TRPM2: variants seen among roughly 807,000 people sequenced by gnomAD.
The protein encoded by TRPM2 is transient receptor potential cation channel subfamily M member 2.
A neutral mutation model predicts 174.0 loss-of-function variants in TRPM2; 161 were observed. That is an observed-to-expected ratio of 0.93 (90% CI 0.81 to 1.05). The LOEUF (loss-of-function observed/expected upper bound fraction) is 1.05, where lower values mean the gene tolerates loss of function less well. Ranked by LOEUF, TRPM2 falls within the 50% of genes least tolerant of loss-of-function variation. The pLI, the probability that TRPM2 is intolerant of heterozygous loss-of-function variation, is 0.00. For missense variants in TRPM2, 2,057 were observed against 2,038.0 expected, an observed-to-expected ratio of 1.01 and a Z score of -0.18; for synonymous variants, 954 against 861.3, an observed-to-expected ratio of 1.11 and a Z score of -1.88.
At chr21:44,426,164 C>T (rs922012907) in intron 25 of TRPM2, among the ~76,000 whole-genome samples, 2 of 150,872 alleles carry the variant, frequency 1.3e-5, no homozygotes, top group Admixed American at 6.6e-5. Flanking sequence ...ACCCCACCCA[C>T]CCCGGTGAAT....
intron 22 of TRPM2, among the ~76,000 whole-genome samples, chr21:44,421,272 C>T (rs1426718985): frequency 2.0e-5 from 3 of 151,510 alleles, no homozygotes; most frequent in African/African-American, 4.9e-5. Flanking sequence ...GAGCTGAGAT[C>T]GCGCTGCTGC....
chr21:44,438,414 C>T lies in TRPM2; in HGVS notation c.4168-653C>T, dbSNP rs2051358370. Among the ~76,000 whole-genome samples, 1 of 152,192 alleles carries T rather than the reference C, an allele frequency of 6.6e-6. No individual in the cohort carries two copies. Among genetic ancestry groups the T allele is most frequent in the African/African-American group, 2.4e-5 (1 of 41,448 alleles). On this transcript the variant is annotated intron_variant, in intron 29 of 31. Transcript: ENST00000397928. The surrounding 1 kb of genome is among the most constrained non-coding windows in gnomAD (Gnocchi z 5.9). Reference sequence around the variant, plus strand: ...TCTGAGGGGCCTCCTGGGTTCCTGGCTCTGTAGGGCACGCACGCTTGAGGG... The same window carrying T: ...TCTGAGGGGCCTCCTGGGTTCCTGGTTCTGTAGGGCACGCACGCTTGAGGG...
At position 44,355,785 on chromosome 21, in the gene TRPM2, C is replaced by T. The variant is rs145873779; in HGVS notation, c.254+1049C>T. ...TGCCCCAGGGTACCTCTAGTGTACTCGGTACATCATCAGAGTTTCACGGTC... is the reference window on the plus strand; with the variant it reads ...TGCCCCAGGGTACCTCTAGTGTACTTGGTACATCATCAGAGTTTCACGGTC... On this transcript the variant is annotated intron_variant, in intron 2 of 31. Coordinates refer to ENST00000397928, the MANE Select transcript of TRPM2 (RefSeq NM_003307.4). Among the ~76,000 whole-genome samples the T allele has an allele frequency of 5.1e-3, 769 of 151,750 alleles. 2 individuals are homozygous for T. Among genetic ancestry groups the T allele is most frequent in the African/African-American group, 7.9e-3 (326 of 41,360 alleles).
At chr21:44,396,059 AGGGCTGT>A (rs1569059070) in intron 12 of TRPM2, among the ~76,000 whole-genome samples, 1 of 23,446 alleles carries the variant, frequency 4.3e-5, no homozygotes. Flanking sequence ...AGGGGTGTGG[AGGGCTGT>A]GGAGGGATGT....
At chr21:44,412,965 A>G (rs952722158) in intron 19 of TRPM2, among the ~76,000 whole-genome samples, 5 of 152,184 alleles carry the variant, frequency 3.3e-5, no homozygotes, top group African/African-American at 4.8e-5. Context: ...CAAGATAAGT[A>G]TAAGGAAAGA....
intron 12 of TRPM2, among the ~76,000 whole-genome samples, 178 bp downstream of exon 12, chr21:44,395,729 AGGGATGTGGAGGCTGTGGAGGGGTGTGG>A (rs2049337809): frequency 2.4e-4 from 1 of 4,184 alleles, no homozygotes; most frequent in African/African-American, 1.3e-3. Flanking sequence ...AGGGCTGTGG[AGGGATGTGGAGGCTGTGGAGGGGTGTGG>A]AGGGGTGTGG....
chr21:44,440,646 C>CG (rs1210011898), intron 30 of TRPM2, 143 bp from the exon 31 acceptor site: 3 of 726,792 alleles, frequency 4.1e-6, no homozygotes, highest in African/African-American at 3.4e-5. Context: ...GGCAGGCTGG[C>CG]GGGGGCTGGG....
rs771414111 is a variant in TRPM2, at chr21:44,366,901, C to T, written c.571C>T (p.Arg191Cys). Residue 191 changes from arginine (R) to cysteine (C), a missense_variant, in exon 4 of 32, where the codon CGC (arginine) becomes TGC (cysteine). Transcript: ENST00000397928. This position sits in a 1 kb window ranked among gnomAD's most constrained non-coding sequence, Gnocchi z 6.0. ...NMKPRLKSIF[R>C]RGLVKVAQTT... ...GAAGCCGCGGCTGAAGAGCATTTTC[C>T]GCAGAGGCCTGGTCAAGGTGGCTCA... 5.0e-6 allele frequency: 8 copies of T among 1,609,310 alleles called. No homozygotes were observed. In the South Asian group the frequency reaches 6.6e-5, roughly 13 times the overall value.
intron 11 of TRPM2, among the ~76,000 whole-genome samples, chr21:44,393,936 A>T (rs9975369): frequency 6.6e-6 from 1 of 152,034 alleles, no homozygotes; most frequent in African/African-American, 2.4e-5. Context: ...GCAATGGTAT[A>T]ATCTCTGCTT....
At chr21:44,370,480 A>G (rs1181670644) in intron 5 of TRPM2, among the ~76,000 whole-genome samples, 1 of 152,190 alleles carries the variant, frequency 6.6e-6, no homozygotes, top group Non-Finnish European at 1.5e-5. Flanking sequence ...CCAAGGACAC[A>G]CTAACTTTGG....
rs1205818780 is a variant in TRPM2, at chr21:44,399,209, T to C, written c.2063-87T>C. The C allele has an allele frequency of 2.0e-6, 3 of 1,498,220 alleles. No homozygotes were observed. Among genetic ancestry groups the C allele is most frequent in the South Asian group, 1.3e-5 (1 of 76,450 alleles). The allele number at this position is 1,498,220 out of a possible 1,614,324, so 92.8% of individuals were successfully genotyped here. ...GCCCTTCCCTGTGTCCTGGTGGTGCTGTCCCGAGTGGTTGCCCTCTGACCC... is the reference window on the plus strand; with the variant it reads ...GCCCTTCCCTGTGTCCTGGTGGTGCCGTCCCGAGTGGTTGCCCTCTGACCC... On this transcript the variant is annotated intron_variant, in intron 13 of 31. Coordinates refer to ENST00000397928, the MANE Select transcript of TRPM2 (RefSeq NM_003307.4). This position sits in a 1 kb window ranked among gnomAD's most constrained non-coding sequence, Gnocchi z 4.6.
rs1171579627 is a variant in TRPM2, at chr21:44,432,674, C to T, written c.3975-2457C>T. On this transcript the variant is annotated intron_variant, in intron 27 of 31. Transcript: ENST00000397928. The surrounding 1 kb of genome is among the most constrained non-coding windows in gnomAD (Gnocchi z 4.9). ...CAAGCCCCTGCCCGCAAGTCCCTTC[C>T]TCTTTCGAATCCACTCCACTTGGGC... Among the ~76,000 whole-genome samples the T allele has an allele frequency of 6.6e-6, 1 of 152,188 alleles. No homozygotes were observed. The highest frequency in any genetic ancestry group is 1.5e-5 in the Non-Finnish European group (1 of 68,038).
At chr21:44,422,424 G>A (rs935583922) in intron 22 of TRPM2, 145 of 1,535,780 alleles carry the variant, frequency 9.4e-5, no homozygotes, top group Non-Finnish European at 1.2e-4. Context: ...TGGCAGGTGC[G>A]GTTAAGCGGC....
At chr21:44,433,916 G>A (rs937780378) in intron 27 of TRPM2, among the ~76,000 whole-genome samples, 2 of 152,222 alleles carry the variant, frequency 1.3e-5, no homozygotes, top group Non-Finnish European at 2.9e-5. Flanking sequence ...CTGCTGAGGG[G>A]TAACAGAGAG....
intron 4 of TRPM2, 173 bp from the exon 5 acceptor site, chr21:44,369,004 C>G (rs1449256142): frequency 1.3e-5 from 8 of 620,284 alleles, no homozygotes; most frequent in Middle Eastern, 4.5e-4. Context: ...CACCTGAGCG[C>G]GTGGGAACCT....
At chr21:44,403,712 CACAT>C (rs1370647930) in intron 16 of TRPM2, among the ~76,000 whole-genome samples, 5 of 150,498 alleles carry the variant, frequency 3.3e-5, no homozygotes, top group African/African-American at 9.8e-5. Flanking sequence ...CATGCATACA[CACAT>C]ATGCATGGAC....
chr21:44,370,507 C>G (rs1170668804), intron 5 of TRPM2, among the ~76,000 whole-genome samples: 1 of 152,142 alleles, frequency 6.6e-6, no homozygotes, highest in Admixed American at 6.5e-5. Flanking sequence ...GCGTGTGTGC[C>G]CCTGAATCCA....
intron 25 of TRPM2, 142 bp from the exon 26 acceptor site, chr21:44,426,518 G>A (rs1236300368): frequency 2.3e-6 from 2 of 872,920 alleles, no homozygotes; most frequent in East Asian, 5.0e-5. Context: ...ACCCGGATCT[G>A]CCCAGCTTGG....
intron 27 of TRPM2, among the ~76,000 whole-genome samples, chr21:44,433,738 G>A (rs1420493316): frequency 6.6e-6 from 1 of 152,230 alleles, no homozygotes; most frequent in Non-Finnish European, 1.5e-5. Context: ...CCCGGCCACA[G>A]AGGAGACCGC....
Sources: allele counts gnomAD v4.1 joint callset (sites outside exome capture counted in the v4.1 genomes callset), GRCh38; gene constraint gnomAD v4.1.1; non-coding constraint Gnocchi (gnomAD v3.1); transcripts MANE v1.5; gene names NCBI Gene and HGNC (gene_info 2026-07-23, HGNC 2026-07-21).